MYH15: variants seen among roughly 807,000 people sequenced by gnomAD.
MYH15 encodes the protein myosin-15.
Under a neutral mutation model 240.5 loss-of-function variants are expected in MYH15, and 227 were observed. The ratio of observed to expected loss-of-function variants is 0.94; its 90% CI spans 0.85 to 1.05. The LOEUF (loss-of-function observed/expected upper bound fraction) is 1.05. MYH15 is among the 50% of genes least tolerant of loss of function. The pLI, the probability that MYH15 is intolerant of heterozygous loss-of-function variation, is 0.00. For missense variants in MYH15, 2,217 were observed against 2,247.5 expected, an observed-to-expected ratio of 0.99 and a Z score of 0.27; for synonymous variants, 785 against 796.7, an observed-to-expected ratio of 0.99 and a Z score of 0.25.
At chr3:108,460,428 A>C in intron 16 of MYH15, 61 bp from the exon 17 acceptor site, 1 of 1,325,618 alleles carries the variant, frequency 7.5e-7, no homozygotes, top group Non-Finnish European at 1.0e-6. Flanking sequence ...TTATCACATT[A>C]TCCTACCCCA....
intron 12 of MYH15, among the ~76,000 whole-genome samples, chr3:108,474,498 A>G (rs778098674): frequency 2.1e-5 from 3 of 141,072 alleles, no homozygotes; most frequent in Non-Finnish European, 4.6e-5. Context: ...TGTTTTTATT[A>G]TTATTTTAAT....
At chr3:108,506,237 G>T (rs1444077022) in intron 1 of MYH15, among the ~76,000 whole-genome samples, 1 of 151,974 alleles carries the variant, frequency 6.6e-6, no homozygotes, top group South Asian at 2.1e-4. Context: ...TGAAAATTTA[G>T]ATTAATGGTT....
chr3:108,534,154 C>T (rs2083731137), upstream of MYH15, among the ~76,000 whole-genome samples: 1 of 152,164 alleles, frequency 6.6e-6, no homozygotes, highest in African/African-American at 2.4e-5. Context: ...CAAATGATTG[C>T]ACTGCTCAGA....
chr3:108,527,847 A>C (rs1166722720), intron 1 of MYH15, among the ~76,000 whole-genome samples: 2 of 152,204 alleles, frequency 1.3e-5, no homozygotes, highest in East Asian at 3.8e-4. Flanking sequence ...CTTCATCTTA[A>C]TCTGTTTTGT....
chr3:108,544,411 A>C, the MYH15 span, among the ~76,000 whole-genome samples: 1 of 152,208 alleles, frequency 6.6e-6, no homozygotes, highest in African/African-American at 2.4e-5. Flanking sequence ...GCCTCTGAAA[A>C]TATTAGCAGT....
upstream of MYH15, among the ~76,000 whole-genome samples, chr3:108,531,815 A>C (rs549831756): frequency 1.6e-3 from 238 of 147,264 alleles, 1 homozygote; most frequent in African/African-American, 5.5e-3. Flanking sequence ...TACATAAATA[A>C]AATAAAAATA....
intron 9 of MYH15, among the ~76,000 whole-genome samples, chr3:108,491,222 C>T (rs2083344527): frequency 1.3e-5 from 2 of 152,090 alleles, no homozygotes; most frequent in Admixed American, 1.3e-4. Flanking sequence ...TGTTGCCTGT[C>T]TTCCATACTA....
chr3:108,545,184 G>T, the MYH15 span, among the ~76,000 whole-genome samples: 1 of 152,096 alleles, frequency 6.6e-6, no homozygotes, highest in Admixed American at 6.5e-5. Flanking sequence ...ATATAAATAA[G>T]TTAGTCTGAG....
intron 33 of MYH15, among the ~76,000 whole-genome samples, chr3:108,402,448 C>G (rs1305733752): frequency 6.6e-6 from 1 of 152,192 alleles, no homozygotes; most frequent in East Asian, 1.9e-4. Flanking sequence ...CAAATCCCAC[C>G]ATGCCCATTT....
chr3:108,492,901 G>A (rs548283646), intron 8 of MYH15, among the ~76,000 whole-genome samples: 4 of 151,920 alleles, frequency 2.6e-5, no homozygotes, highest in Non-Finnish European at 5.9e-5. Context: ...AGTGAGCCAT[G>A]ATCATGCCAC....
At chr3:108,405,554 A>AG in intron 32 of MYH15, 101 bp from the exon 33 acceptor site, 1 of 608,794 alleles carries the variant, frequency 1.6e-6, no homozygotes, top group Non-Finnish European at 2.6e-6. Context: ...TCTTAGAGTT[A>AG]CTGGGAGAGA....
At chr3:108,451,459 A>G (rs2082973289) in intron 21 of MYH15, among the ~76,000 whole-genome samples, 1 of 152,144 alleles carries the variant, frequency 6.6e-6, no homozygotes, top group Admixed American at 6.5e-5. Context: ...TTTTTTTAAT[A>G]AAAGAAAGCT....
chr3:108,454,335 C>G (rs531168600), intron 20 of MYH15, among the ~76,000 whole-genome samples, 193 bp from the exon 21 acceptor site: 2 of 148,972 alleles, frequency 1.3e-5, no homozygotes, highest in East Asian at 1.9e-4. Context: ...AAAAAAAAAA[C>G]GTTATTAAAT....
rs1387645763 is a variant in MYH15 at position 108,478,465 on chromosome 3, G to A, written c.1115-1950C>T. Among the ~76,000 whole-genome samples, 6 of 152,316 alleles carry A rather than the reference G, an allele frequency of 3.9e-5. No individual in the cohort carries two copies. The East Asian group carries it at 7.7e-4, about 20-fold the overall frequency. ...CTATACTGAGATGTGCCTGCTAACA[G>A]TGCCAGGTTTGGCGGCAAAAGCTTG... On this transcript the variant is annotated intron_variant, in intron 11 of 40. Coordinates refer to ENST00000693548, the MANE Select transcript of MYH15 (RefSeq NM_014981.3).
intron 22 of MYH15, among the ~76,000 whole-genome samples, chr3:108,443,863 AT>A (rs11328230): frequency 0.54 from 77,329 of 144,348 alleles, 20,719 homozygotes; most frequent in African/African-American, 0.63. Context: ...AGGCATCTTT[AT>A]TTTTTTTTTT....
intron 7 of MYH15, among the ~76,000 whole-genome samples, chr3:108,494,255 C>T (rs72941737): frequency 6.6e-6 from 1 of 152,156 alleles, no homozygotes; most frequent in African/African-American, 2.4e-5. Flanking sequence ...GTATATATAC[C>T]CATACACACA....
At chr3:108,478,246 T>G (rs545936293) in intron 11 of MYH15, among the ~76,000 whole-genome samples, 1 of 152,170 alleles carries the variant, frequency 6.6e-6, no homozygotes, top group Non-Finnish European at 1.5e-5. Flanking sequence ...TTAAAATGTT[T>G]GAAATGTTTG....
chr3:108,535,512 A>G, the MYH15 span, among the ~76,000 whole-genome samples: 1 of 152,018 alleles, frequency 6.6e-6, no homozygotes, highest in Non-Finnish European at 1.5e-5. Context: ...AAATATCATC[A>G]TATTGGGAGT....
intron 1 of MYH15, among the ~76,000 whole-genome samples, chr3:108,528,794 C>T (rs1279780924): frequency 6.6e-6 from 1 of 152,162 alleles, no homozygotes; most frequent in African/African-American, 2.4e-5. Context: ...ATAGACCATG[C>T]TCTTAACTAT....
Sources: gnomAD v4.1 joint callset for allele counts (sites outside exome capture counted in the v4.1 genomes callset) on GRCh38, gnomAD v4.1.1 for gene constraint, MANE v1.5 for transcripts, NCBI Gene and HGNC (gene_info 2026-07-23, HGNC 2026-07-21) for gene names.